CR1: variants seen among roughly 807,000 people sequenced by gnomAD.
CR1 encodes the protein complement C3b/C4b receptor 1 (Knops blood group), also known as complement receptor type 1.
Under a neutral mutation model 187.3 loss-of-function variants are expected in CR1, and 116 were observed. The ratio of observed to expected loss-of-function variants is 0.62; its 90% CI spans 0.53 to 0.72. The LOEUF is 0.72. CR1 is among the 30% of genes least tolerant of loss of function. CR1 has a pLI of 0.00. For missense variants in CR1, 1,731 were observed against 2,110.7 expected (o/e 0.82, Z 3.52); for synonymous variants, 576 against 747.1 (o/e 0.77, Z 3.73).
rs765766003 is a variant in CR1, at chr1:207,616,552, T to G, written c.6662-23T>G. On this transcript the variant is annotated intron_variant, in intron 40 of 46. Transcript: ENST00000367049. The stretch of plus-strand genomic sequence containing the variant: ...TCTTAAGTGAAATTCTAATAGAACT[T>G]AAAGCTCTTGTTTTCTTTCTAGAAA... The G allele has an allele frequency of 9.3e-6, 15 of 1,610,298 alleles. No individual in the cohort carries two copies. The Admixed American group carries it at 2.5e-4, about 27-fold the overall frequency.
At position 207,630,504 on chromosome 1, in the gene CR1, C is replaced by A. The variant is rs748466395; in HGVS notation, c.7353-13C>A. 9.8e-6 allele frequency: 15 copies of A among 1,524,430 alleles called. No individual in the cohort carries two copies. Among genetic ancestry groups the A allele is most frequent in the African/African-American group, 2.8e-5 (2 of 71,278 alleles). The allele number at this position is 1,524,430 out of a possible 1,614,324, so 94.4% of individuals were successfully genotyped here. On this transcript the variant is annotated splice_polypyrimidine_tract_variant and intron_variant, in intron 45 of 46. Coordinates refer to ENST00000367049, the MANE Select transcript of CR1 (RefSeq NM_000651.6). ...ATTAAGACAGTTTTTCTATTTTTTT[C>A]TCTGCCAATTAGCAATAATGCACAT...
chr1:207,575,896 A>G (rs986598766), intron 28 of CR1, among the ~76,000 whole-genome samples: 4 of 152,164 alleles, frequency 2.6e-5, no homozygotes, highest in Admixed American at 1.3e-4. Context: ...TGTATTTTAA[A>G]CTAGTCTTTA....
At position 207,526,845 on chromosome 1, in the gene CR1, G is replaced by C; in HGVS notation, c.979G>C (p.Glu327Gln). The C allele has an allele frequency of 6.7e-7, 1 of 1,495,300 alleles. No homozygotes were observed. The highest frequency in any genetic ancestry group is 8.9e-7 in the Non-Finnish European group (1 of 1,128,392). 92.6% of individuals were successfully genotyped at this position (1,495,300 alleles called of 1,614,324 possible). The part of the protein sequence containing the change: ...SPGQEVFYSC[E>Q]PGYDLRGAAS... ...TGGGCAGGAAGTGTTCTACAGCTGT[G>C]AGCCCGGCTACGACCTCAGAGGGGC... Residue 327 changes from glutamate to glutamine, a missense_variant, in exon 6 of 47, where the codon GAG (glutamate) becomes CAG (glutamine). Transcript: ENST00000367049.
intron 40 of CR1, 29 bp downstream of exon 40, chr1:207,614,518 T>C (rs1449170226): frequency 4.4e-6 from 7 of 1,582,438 alleles, no homozygotes; most frequent in East Asian, 2.3e-5. Context: ...GTAGTTTGGA[T>C]AGCTCTCCTT....
intron 32 of CR1, among the ~76,000 whole-genome samples, chr1:207,583,270 C>G (rs944213204): frequency 1.3e-5 from 2 of 152,094 alleles, no homozygotes; most frequent in African/African-American, 4.8e-5. Flanking sequence ...ATAGAGAGGT[C>G]AAATTAGGTG....
intron 5 of CR1, among the ~76,000 whole-genome samples, chr1:207,525,506 T>G (rs1660138964): frequency 6.6e-6 from 1 of 151,866 alleles, no homozygotes; most frequent in African/African-American, 2.4e-5. Flanking sequence ...GTCATTGGCA[T>G]CGTTACAATT....
chr1:207,505,117 A>G (rs1308863316), intron 1 of CR1, among the ~76,000 whole-genome samples: 1 of 152,190 alleles, frequency 6.6e-6, no homozygotes, highest in East Asian at 1.9e-4. Flanking sequence ...CCCAGGTGCT[A>G]AAAAGGGACT....
intron 40 of CR1, among the ~76,000 whole-genome samples, chr1:207,615,616 A>G (rs1346431228): frequency 5.3e-5 from 8 of 152,236 alleles, no homozygotes; most frequent in Non-Finnish European, 1.2e-4. Flanking sequence ...AATTTTTTAA[A>G]CCTTGTTTTC....
intron 33 of CR1, among the ~76,000 whole-genome samples, chr1:207,587,116 T>C (rs963424708): frequency 1.3e-5 from 2 of 152,138 alleles, no homozygotes; most frequent in African/African-American, 4.8e-5. Flanking sequence ...GGTCAGAATG[T>C]GAAACTACAA....
At chr1:207,637,538 G>T (rs1391308364) in intron 46 of CR1, among the ~76,000 whole-genome samples, 1 of 152,226 alleles carries the variant, frequency 6.6e-6, no homozygotes, top group African/African-American at 2.4e-5. Context: ...CTTACCATGT[G>T]ATAAGTGAAT....
At chr1:207,618,627 C>G (rs1662217541) in intron 42 of CR1, among the ~76,000 whole-genome samples, 2 of 151,924 alleles carry the variant, frequency 1.3e-5, no homozygotes, top group African/African-American at 4.8e-5. Flanking sequence ...TGGTTTGTAT[C>G]TAGGAAAAAA....
At chr1:207,568,104 T>A in intron 25 of CR1, 62 bp downstream of exon 25, 1 of 1,610,462 alleles carries the variant, frequency 6.2e-7, no homozygotes, top group Non-Finnish European at 8.5e-7. Flanking sequence ...CCCCTCCATA[T>A]TTCCATAATT....
At chr1:207,608,171 G>C (rs909583324) in intron 36 of CR1, among the ~76,000 whole-genome samples, 1 of 152,152 alleles carries the variant, frequency 6.6e-6, no homozygotes. Flanking sequence ...GTTCAGCATG[G>C]TTTGAAAATA....
intron 3 of CR1, among the ~76,000 whole-genome samples, chr1:207,509,072 TAAATAA>T (rs1456886754): frequency 6.6e-6 from 1 of 152,256 alleles, no homozygotes; most frequent in African/African-American, 2.4e-5. Context: ...TGTGCTAACC[TAAATAA>T]TTCACAGGAT....
chr1:207,612,807 G>A (rs7519119), intron 39 of CR1, among the ~76,000 whole-genome samples: 69,067 of 152,168 alleles, frequency 0.45, 18,280 homozygotes, highest in Non-Finnish European at 0.59. Context: ...CAGTGCTGGC[G>A]GCTGGACCAG....
At chr1:207,616,502 T>C (rs1662098924) in intron 40 of CR1, 73 bp from the exon 41 acceptor site, 2 of 1,508,010 alleles carry the variant, frequency 1.3e-6, no homozygotes, top group African/African-American at 1.4e-5. Flanking sequence ...AAGCGCACAG[T>C]CACAGGTCAC....
chr1:207,515,171 GTATATACA>G (rs1464573167), intron 4 of CR1, among the ~76,000 whole-genome samples: 1 of 10,852 alleles, frequency 9.2e-5, no homozygotes, highest in Non-Finnish European at 3.0e-4. Flanking sequence ...ACATATATAG[GTATATACA>G]TATATACGTA....
chr1:207,596,404 G>A (rs1299940604), intron 35 of CR1, among the ~76,000 whole-genome samples: 4 of 151,862 alleles, frequency 2.6e-5, no homozygotes, highest in Non-Finnish European at 5.9e-5. Flanking sequence ...ACCTGAGGTC[G>A]GGAGTTCAAG....
chr1:207,589,065 A>G lies in CR1; in HGVS notation c.5810+291A>G, dbSNP rs570407842. ...ATTGGATGAAAAGGAGCAGCTTACA[A>G]ATAAGGAAAAGGAAAAAAGGTAGTT... On this transcript the variant is annotated intron_variant, in intron 35 of 46. Coordinates refer to ENST00000367049, the MANE Select transcript of CR1 (RefSeq NM_000651.6). Among the ~76,000 whole-genome samples the G allele has an allele frequency of 2.0e-5, 3 of 152,226 alleles. No individual in the cohort carries two copies. The South Asian group carries it at 6.2e-4, about 32-fold the overall frequency.
Sources: gnomAD v4.1 joint callset for allele counts (sites outside exome capture counted in the v4.1 genomes callset) on GRCh38, gnomAD v4.1.1 for gene constraint, MANE v1.5 for transcripts, NCBI Gene and HGNC (gene_info 2026-07-23, HGNC 2026-07-21) for gene names.